The following FKBP15 variants were observed in gnomAD, a reference collection of about 807,000 sequenced individuals.
FKBP15 encodes FKBP prolyl isomerase family member 15.
Under a neutral mutation model 158.1 loss-of-function variants are expected in FKBP15, and 106 were observed. The ratio of observed to expected loss-of-function variants is 0.67; its 90% confidence interval spans 0.57 to 0.79. The LOEUF (loss-of-function observed/expected upper bound fraction) is 0.79, where lower values mean the gene tolerates loss of function less well. Among genes scored for constraint, FKBP15 ranks in the 30% least tolerant of loss-of-function variants. FKBP15 has a pLI of 0.00. For missense variants in FKBP15, 1,287 were observed against 1,479.1 expected, an observed-to-expected ratio of 0.87 and a Z score of 2.13; for synonymous variants, 547 against 548.6, an observed-to-expected ratio of 1.00 and a Z score of 0.04.
At chr9:113,205,275 T>C (rs28790397) in intron 4 of FKBP15, among the ~76,000 whole-genome samples, 34,788 of 151,810 alleles carry the variant, frequency 0.23, 4,722 homozygotes, top group African/African-American at 0.36. Flanking sequence ...CAAATAAGGG[T>C]TTAATACTCA....
intron 26 of FKBP15, among the ~76,000 whole-genome samples, chr9:113,168,838 A>G (rs1246742774): frequency 1.3e-5 from 2 of 152,218 alleles, no homozygotes; most frequent in Non-Finnish European, 1.5e-5. Flanking sequence ...ACTCCTTTAG[A>G]ATAGCACCCT....
At chr9:113,205,321 A>G (rs751313414) in intron 4 of FKBP15, among the ~76,000 whole-genome samples, 8 of 152,260 alleles carry the variant, frequency 5.3e-5, no homozygotes, top group Non-Finnish European at 1.2e-4. Flanking sequence ...TCCACAACAA[A>G]AAGACAAACA....
At chr9:113,170,701 A>G (rs1229184182) in intron 24 of FKBP15, 72 bp from the exon 25 acceptor site, 1 of 1,110,460 alleles carries the variant, frequency 9.0e-7, no homozygotes, top group Non-Finnish European at 1.4e-6. Flanking sequence ...AGAGAGGTGT[A>G]TGGAAGGCCA....
Position 113,169,418 on chromosome 9 carries a change from G to T in FKBP15, c.3291C>A (p.Ser1097=). Residue 1097 remains serine, a synonymous_variant, in exon 26 of 28, where the codon TCC becomes TCA. Transcript: ENST00000238256. ...GPLQESSTRL[S]LTSDPEEGDP... ...CCCCCTCCTCGGGGTCTGAAGTCAG[G>T]GACAGTCTTGTGGAGCTTTCTTGTA... 6.2e-7 allele frequency: 1 copy of T among 1,614,020 alleles called. No individual in the cohort carries two copies. The highest frequency in any genetic ancestry group is 1.1e-5 in the South Asian group (1 of 91,080).
chr9:113,188,580 C>T, intron 12 of FKBP15, 89 bp from the exon 13 acceptor site: 1 of 1,023,746 alleles, frequency 9.8e-7, no homozygotes, highest in Non-Finnish European at 1.5e-6. Context: ...CTGCTTCCAA[C>T]ACAGGATTTC....
At chr9:113,217,281 TG>T (rs1166796580) in intron 1 of FKBP15, among the ~76,000 whole-genome samples, 1 of 148,602 alleles carries the variant, frequency 6.7e-6, no homozygotes, top group Non-Finnish European at 1.5e-5. Context: ...GGCACGACCT[TG>T]GCTCACTGCA....
chr9:113,187,367 G>T (rs984995543), intron 14 of FKBP15: 1 of 157,350 alleles, frequency 6.4e-6, no homozygotes, highest in Non-Finnish European at 1.4e-5. Context: ...TTTAAGAAAA[G>T]TTTACTAGAT....
chr9:113,161,779 C>G lies in FKBP15; in HGVS notation c.*4299G>C. On this transcript the variant is annotated 3_prime_UTR_variant, in exon 28 of 28. Transcript: ENST00000238256. ...AGGCTGGCCCAGACAGCATTAGCCC[C>G]ACTTCACAGAGAGGACAGCGAGGCC... 6.8e-7 allele frequency: 1 copy of G among 1,480,696 alleles called. No homozygotes were observed. The highest frequency in any genetic ancestry group is 9.4e-7 in the Non-Finnish European group (1 of 1,066,872). The allele number at this position is 1,480,696 out of a possible 1,614,324, so 91.7% of individuals were successfully genotyped here.
At chr9:113,220,853 T>C (rs1831235933) in intron 1 of FKBP15, among the ~76,000 whole-genome samples, 1 of 152,030 alleles carries the variant, frequency 6.6e-6, no homozygotes, top group South Asian at 2.1e-4. Context: ...AGAAAAGAAG[T>C]CTCACATCAG....
chr9:113,199,564 T>C (rs945863627), intron 7 of FKBP15, among the ~76,000 whole-genome samples: 1 of 152,136 alleles, frequency 6.6e-6, no homozygotes, highest in African/African-American at 2.4e-5. Flanking sequence ...CATGAACAAC[T>C]AGCAAAAATA....
intron 2 of FKBP15, among the ~76,000 whole-genome samples, chr9:113,210,102 T>C (rs1010549412): frequency 3.3e-5 from 5 of 152,092 alleles, no homozygotes; most frequent in African/African-American, 9.7e-5. Context: ...GAGAGCGGTG[T>C]CCATATGGGG....
In FKBP15 at chr9:113,182,891, G is replaced by T. The variant is rs138326813; in HGVS notation, c.1812-23C>A. 1.8e-3 allele frequency: 2,834 copies of T among 1,595,856 alleles called. 11 individuals carry two copies. The highest frequency in any genetic ancestry group is 1.3e-3 in the Non-Finnish European group (1,564 of 1,163,904). On this transcript the variant is annotated intron_variant, in intron 18 of 27. Transcript: ENST00000238256. ...TACCTGTGAAAGAAATAGAGAAAAA[G>T]AAAACATTTATCAAGCACTGAGTGT...
Position 113,198,436 on chromosome 9 carries a change from G to A in FKBP15, c.717+419C>T, listed in dbSNP as rs970116882. 1.3e-5 allele frequency among the ~76,000 whole-genome samples: 2 copies of A among 152,178 alleles called. No homozygotes were observed. The highest frequency in any genetic ancestry group is 2.4e-5 in the African/African-American group (1 of 41,456). On this transcript the variant is annotated intron_variant, in intron 8 of 27. Coordinates refer to ENST00000238256, the MANE Select transcript of FKBP15 (RefSeq NM_015258.2). The surrounding 1 kb of genome is among the most constrained non-coding windows in gnomAD (Gnocchi z 5.2). ...CGTATTCTTCATCCAGGCATTTCCA[G>A]ATGTCAAAAAGATAACCTGATTAGA...
At chr9:113,179,147 A>C (rs1659827181) in intron 19 of FKBP15, among the ~76,000 whole-genome samples, 1 of 151,960 alleles carries the variant, frequency 6.6e-6, no homozygotes, top group Non-Finnish European at 1.5e-5. Flanking sequence ...CTCCCACCTC[A>C]GCCTCTGGAG....
intron 23 of FKBP15, 90 bp from the exon 24 acceptor site, chr9:113,171,796 C>A: frequency 1.8e-6 from 2 of 1,093,992 alleles, no homozygotes; most frequent in Non-Finnish European, 2.4e-6. Context: ...AACATCAAGT[C>A]TCTTTTTTTT....
chr9:113,183,024 A>G (rs1830427445), intron 18 of FKBP15, among the ~76,000 whole-genome samples, 156 bp from the exon 19 acceptor site: 1 of 152,172 alleles, frequency 6.6e-6, no homozygotes, highest in Non-Finnish European at 1.5e-5. Context: ...TGAAGTAGTG[A>G]GATCTAAGGA....
At chr9:113,202,475 A>G (rs1342155634) in intron 6 of FKBP15, 56 bp downstream of exon 6, 19 of 1,280,766 alleles carry the variant, frequency 1.5e-5, no homozygotes, top group Non-Finnish European at 2.1e-5. Context: ...CCCTAAAATT[A>G]AGGGAAATCC....
chr9:113,195,018 A>G (rs1830644287), intron 9 of FKBP15, among the ~76,000 whole-genome samples: 1 of 152,244 alleles, frequency 6.6e-6, no homozygotes, highest in African/African-American at 2.4e-5. Flanking sequence ...AAATATTTCC[A>G]AACTATAAAT....
intron 6 of FKBP15, among the ~76,000 whole-genome samples, chr9:113,201,453 C>T (rs1429535931): frequency 1.3e-5 from 2 of 152,150 alleles, no homozygotes; most frequent in Non-Finnish European, 2.9e-5. Flanking sequence ...ATGTTTGTGT[C>T]CCCTCCGAAT....
Sources: gnomAD v4.1 joint callset for allele counts (sites outside exome capture counted in the v4.1 genomes callset) on GRCh38, gnomAD v4.1.1 for gene constraint, Gnocchi (gnomAD v3.1) non-coding constraint, MANE v1.5 for transcripts, NCBI Gene and HGNC (gene_info 2026-07-23, HGNC 2026-07-21) for gene names.